ADGRG6: variants seen among roughly 807,000 people sequenced by gnomAD.
The protein encoded by ADGRG6 is adhesion G protein-coupled receptor G6.
Under a neutral mutation model 142.4 loss-of-function variants are expected in ADGRG6, and 84 were observed. The ratio of observed to expected loss-of-function variants is 0.59; its 90% CI spans 0.49 to 0.71. The LOEUF is 0.71. Ranked by LOEUF, ADGRG6 falls within the 30% of genes least tolerant of loss-of-function variation. The pLI, the probability that ADGRG6 is intolerant of heterozygous loss-of-function variation, is 0.00. For missense variants in ADGRG6, 1,367 were observed against 1,466.6 expected, an observed-to-expected ratio of 0.93 and a Z score of 1.11; for synonymous variants, 521 against 520.5, an observed-to-expected ratio of 1.00 and a Z score of -0.01.
chr6:142,318,401 TTAAA>T (rs1187179244), intron 2 of ADGRG6, among the ~76,000 whole-genome samples: 1 of 117,556 alleles, frequency 8.5e-6, no homozygotes, highest in Non-Finnish European at 1.6e-5. Flanking sequence ...TATATGTAAT[TTAAA>T]TATATATATA....
intron 2 of ADGRG6, among the ~76,000 whole-genome samples, chr6:142,336,282 T>C (rs1254353771): frequency 2.0e-5 from 3 of 152,342 alleles, no homozygotes; most frequent in Middle Eastern, 3.4e-3. Context: ...CAGGGCATGC[T>C]AACATGGAAC....
intron 4 of ADGRG6, among the ~76,000 whole-genome samples, chr6:142,375,924 AT>A (rs1781476301): frequency 6.6e-6 from 1 of 152,116 alleles, no homozygotes; most frequent in East Asian, 1.9e-4. Flanking sequence ...TACTCTAACG[AT>A]TTTAGTATAT....
chr6:142,420,091 C>T lies in ADGRG6; in HGVS notation c.3306C>T (p.Phe1102=), dbSNP rs1446341153. The change falls in exon 22 of 25, where the codon TTC becomes TTT. Residue 1102 remains phenylalanine, a synonymous_variant. Transcript: ENST00000367609. ...CCTTCATGTACCTCTTCTCCATCTT[C>T]AATTCATTACAAGGTAAGATAAATT... ...NIPFMYLFSI[F]NSLQGLFIFI... is the part of the protein sequence containing the mutation. The T allele has an allele frequency of 6.2e-7, 1 of 1,611,070 alleles. No homozygotes were observed. The highest frequency in any genetic ancestry group is 1.1e-5 in the South Asian group (1 of 90,974).
intron 2 of ADGRG6, among the ~76,000 whole-genome samples, chr6:142,362,098 A>G (rs1562338141): frequency 6.6e-6 from 1 of 152,236 alleles, no homozygotes; most frequent in Non-Finnish European, 1.5e-5. Context: ...ACAGTATTAC[A>G]GAAGAAAGAG....
intron 16 of ADGRG6, among the ~76,000 whole-genome samples, chr6:142,408,756 T>C (rs1775938344): frequency 6.6e-6 from 1 of 152,134 alleles, no homozygotes; most frequent in African/African-American, 2.4e-5. Context: ...GTCATCTGTT[T>C]GTTTGATAAA....
intron 18 of ADGRG6, among the ~76,000 whole-genome samples, chr6:142,413,951 G>T (rs187481420): frequency 1.2e-3 from 169 of 140,940 alleles, no homozygotes; most frequent in African/African-American, 4.3e-3. Context: ...TAAGGCCTGT[G>T]TGTGAGTAGC....
intron 4 of ADGRG6, among the ~76,000 whole-genome samples, chr6:142,373,774 C>A (rs1231910017): frequency 3.3e-5 from 5 of 151,992 alleles, no homozygotes; most frequent in Non-Finnish European, 5.9e-5. Context: ...GAACTCCTGG[C>A]CCCATGTGAT....
rs180891841 is a variant in ADGRG6, at chr6:142,404,910, G to A, written c.2128-778G>A. On this transcript the variant is annotated intron_variant, in intron 14 of 24. Transcript: ENST00000367609. The stretch of plus-strand genomic sequence containing the variant: ...GAGAACCTTTTCAACATGTTCAAGC[G>A]ACACATAAGCAAAGAGTTTTCAAGT... Among the ~76,000 whole-genome samples the A allele has an allele frequency of 1.3e-4, 20 of 152,230 alleles. 1 individual carries two copies. The East Asian group carries it at 3.9e-3, about 29-fold the overall frequency.
At chr6:142,383,380 A>G (rs1781862843) in intron 5 of ADGRG6, among the ~76,000 whole-genome samples, 2 of 152,170 alleles carry the variant, frequency 1.3e-5, no homozygotes, top group South Asian at 4.1e-4. Context: ...AGATCTGTAC[A>G]GGCTGCTTTC....
intron 2 of ADGRG6, among the ~76,000 whole-genome samples, chr6:142,361,030 T>C (rs1780688573): frequency 1.3e-5 from 2 of 152,232 alleles, no homozygotes; most frequent in Non-Finnish European, 2.9e-5. Flanking sequence ...ATTTCTATAA[T>C]GTCATCATTC....
rs1320349235 is a variant in ADGRG6 at position 142,341,641 on chromosome 6, T to TA, written c.104-25927dup. Among the ~76,000 whole-genome samples the TA allele has an allele frequency of 7.3e-3, 967 of 132,612 alleles. 15 individuals carry two copies. The highest frequency in any genetic ancestry group is 0.026 in the African/African-American group (899 of 35,090). The allele number at this position is 132,612 out of a possible 152,430, so 87.0% of individuals were successfully genotyped here. A position where few individuals can be genotyped will look rare whatever the true frequency, so the allele number is the denominator to read the frequency against. On this transcript the variant is annotated intron_variant, in intron 2 of 24. Coordinates refer to ENST00000367609, the MANE Select transcript of ADGRG6 (RefSeq NM_198569.3). ...TGTAGTATATATAATATATAATATA[T>TA]ATAATATATACTATATAGTATATAT...
intron 14 of ADGRG6, 170 bp from the exon 15 acceptor site, chr6:142,405,518 C>G (rs2115030812): frequency 1.5e-6 from 1 of 679,862 alleles, no homozygotes; most frequent in Non-Finnish European, 2.7e-6. Context: ...ACAGCTCTGT[C>G]TGTAGGGGTT....
At chr6:142,342,198 A>G (rs368224898) in intron 2 of ADGRG6, among the ~76,000 whole-genome samples, 6 of 152,028 alleles carry the variant, frequency 3.9e-5, no homozygotes, top group African/African-American at 1.4e-4. Context: ...GGCAAGTGTA[A>G]CTGAATGGAA....
In ADGRG6 at chr6:142,417,109, G is replaced by T. The variant is rs560565016; in HGVS notation, c.2939-164G>T. The T allele has an allele frequency of 1.5e-3, 998 of 675,996 alleles. 11 individuals carry two copies. The highest frequency in any genetic ancestry group is 1.0e-2 in the South Asian group (638 of 63,932). 41.9% of individuals were successfully genotyped at this position (675,996 alleles called of 1,614,324 possible). On this transcript the variant is annotated intron_variant, in intron 20 of 24. Transcript: ENST00000367609. ...TGAACCCCAAGGAGGGGATTTTGTT[G>T]TTAACCAAGTTGCCATTTCTAAGAA...
intron 2 of ADGRG6, among the ~76,000 whole-genome samples, chr6:142,345,765 G>C (rs1327524565): frequency 6.6e-6 from 1 of 151,992 alleles, no homozygotes; most frequent in Non-Finnish European, 1.5e-5. Flanking sequence ...GGAAAGTTTT[G>C]TTTCCTTTAT....
Position 142,402,837 on chromosome 6 carries a change from A to ATT in ADGRG6, c.1955+16_1955+17dup. 10 of 1,366,610 alleles carry ATT rather than the reference A, an allele frequency of 7.3e-6. No homozygotes were observed. Among genetic ancestry groups the ATT allele is most frequent in the African/African-American group, 3.0e-5 (2 of 67,604 alleles). 84.7% of individuals were successfully genotyped at this position (1,366,610 alleles called of 1,614,324 possible). On this transcript the variant is annotated splice_region_variant and intron_variant, in intron 13 of 24. Transcript: ENST00000367609. ...TGCTTGAGTCATCTTCTGAGTAAGT[A>ATT]TTTTTTTTTTCCTGGAGAGTAAATT...
intron 4 of ADGRG6, among the ~76,000 whole-genome samples, chr6:142,377,638 C>A (rs1583059964): frequency 6.6e-6 from 1 of 152,164 alleles, no homozygotes; most frequent in Non-Finnish European, 1.5e-5. Context: ...ATTCTAAAAC[C>A]AATTTGTTGA....
At chr6:142,330,094 G>A (rs1333746837) in intron 2 of ADGRG6, among the ~76,000 whole-genome samples, 1 of 151,670 alleles carries the variant, frequency 6.6e-6, no homozygotes. Context: ...TTTTTTAAAA[G>A]GGAGAGGTTA....
intron 11 of ADGRG6, among the ~76,000 whole-genome samples, chr6:142,400,989 C>G (rs893247392): frequency 1.3e-5 from 2 of 152,082 alleles, no homozygotes; most frequent in African/African-American, 4.8e-5. Context: ...GAAATGAAGA[C>G]AAGATCCAGA....
Sources: gnomAD v4.1 joint callset for allele counts (sites outside exome capture counted in the v4.1 genomes callset) on GRCh38, gnomAD v4.1.1 for gene constraint, MANE v1.5 for transcripts, NCBI Gene and HGNC (gene_info 2026-07-23, HGNC 2026-07-21) for gene names.